FANCC: variants seen among roughly 807,000 people sequenced by gnomAD.
The protein encoded by FANCC is FA complementation group C.
FANCC carries 55 observed loss-of-function variants against 71.3 expected under a neutral mutation model. That is an observed-to-expected ratio of 0.77 (90% CI 0.62 to 0.97). The LOEUF (loss-of-function observed/expected upper bound fraction) is 0.97, where lower values mean the gene tolerates loss of function less well. Among genes scored for constraint, FANCC ranks in the 50% least tolerant of loss-of-function variants. FANCC has a pLI of 0.00. For synonymous variants in FANCC, 275 were observed against 244.9 expected, an observed-to-expected ratio of 1.12 and a Z score of -1.15; for missense variants, 678 against 670.9, an observed-to-expected ratio of 1.01 and a Z score of -0.12.
At position 95,107,074 on chromosome 9, in the gene FANCC, T is replaced by C; in HGVS notation, c.1525A>G (p.Ile509Val). ...PGGHTIAWDVITLMAHTAEIT... is the reference protein window; with the variant it reads ...PGGHTIAWDVVTLMAHTAEIT... The stretch of plus-strand genomic sequence containing the variant: ...ACCACAGGGAGACTTACCAGGGTGA[T>C]GACATCCCAGGCGATCGTGTGGCCT... Residue 509 changes from isoleucine (I) to valine (V), a missense_variant, in exon 14 of 15, where the codon ATC (isoleucine) becomes GTC (valine). By Grantham distance (29) the Ile-to-Val change is conservative. Transcript: ENST00000289081. 1 of 1,614,146 alleles carries C rather than the reference T, an allele frequency of 6.2e-7. No individual in the cohort carries two copies. Among genetic ancestry groups the C allele is most frequent in the African/African-American group, 1.3e-5 (1 of 75,052 alleles).
At chr9:95,184,112 C>T (rs1210978685) in intron 4 of FANCC, among the ~76,000 whole-genome samples, 1 of 151,794 alleles carries the variant, frequency 6.6e-6, no homozygotes, top group East Asian at 1.9e-4. Flanking sequence ...TTAGTTGCTT[C>T]TCCCCCCCTT....
chr9:95,118,108 T>C (rs1030263340), intron 10 of FANCC, among the ~76,000 whole-genome samples: 1 of 152,168 alleles, frequency 6.6e-6, no homozygotes, highest in Non-Finnish European at 1.5e-5. Context: ...AACCTCCACC[T>C]CCCGGGTCCA....
At chr9:95,159,144 T>C (rs938270605) in intron 6 of FANCC, among the ~76,000 whole-genome samples, 8 of 152,136 alleles carry the variant, frequency 5.3e-5, no homozygotes, top group African/African-American at 1.9e-4. Context: ...TACCTCATCA[T>C]TTACATTGGG....
intron 8 of FANCC, among the ~76,000 whole-genome samples, chr9:95,128,909 C>CT (rs756314206): frequency 0.011 from 1,578 of 144,712 alleles, 9 homozygotes; most frequent in African/African-American, 0.018. Context: ...AACCAGTCTC[C>CT]TTTTTTTTTT....
intron 1 of FANCC, among the ~76,000 whole-genome samples, chr9:95,252,473 G>A (rs1356297405): frequency 4.6e-5 from 7 of 151,756 alleles, no homozygotes; most frequent in Non-Finnish European, 7.4e-5. Context: ...GGGGCTGGGC[G>A]CCGTGGCTCA....
chr9:95,162,430 T>A (rs1490861162), intron 6 of FANCC, among the ~76,000 whole-genome samples: 1 of 152,220 alleles, frequency 6.6e-6, no homozygotes, highest in Non-Finnish European at 1.5e-5. Flanking sequence ...TGTGCAAATA[T>A]CTCTTAGAGA....
chr9:95,224,287 G>C (rs1829470323), intron 4 of FANCC, among the ~76,000 whole-genome samples: 1 of 152,110 alleles, frequency 6.6e-6, no homozygotes, highest in African/African-American at 2.4e-5. Context: ...CTTTAAGTGT[G>C]CTGGTGGCAA....
In FANCC at chr9:95,298,716, G is replaced by A. The variant is rs4647370; in HGVS notation, c.-79+18810C>T. On this transcript the variant is annotated intron_variant, in intron 1 of 14. Transcript: ENST00000289081. ...TTCTTAGCTGTCACTTCCAGGTTTA[G>A]TCTGCCATCTTCACAAAGACTACAG... Among the ~76,000 whole-genome samples the A allele has an allele frequency of 3.7e-4, 56 of 152,314 alleles. 1 individual carries two copies. In the East Asian group the frequency reaches 9.8e-3, roughly 27 times the overall value.
At chr9:95,292,691 A>G (rs1476108410) in intron 1 of FANCC, 6 of 1,327,900 alleles carry the variant, frequency 4.5e-6, no homozygotes, top group Non-Finnish European at 6.5e-6. Context: ...TCAATCCAAT[A>G]ATAAGAAAAG....
At position 95,236,100 on chromosome 9, in the gene FANCC, T is replaced by C. The variant is rs563172579; in HGVS notation, c.345+4549A>G. Reference sequence around the variant, plus strand: ...CTTAGTATTGCATTTCGAAAGAAAATACAGATAGAATACAACACCTTTTGA... The same window carrying C: ...CTTAGTATTGCATTTCGAAAGAAAACACAGATAGAATACAACACCTTTTGA... On this transcript the variant is annotated intron_variant, in intron 4 of 14. Transcript: ENST00000289081. Among the ~76,000 whole-genome samples, 10 of 152,254 alleles carry C rather than the reference T, an allele frequency of 6.6e-5. No homozygotes were observed. The East Asian group carries it at 1.9e-3, about 29-fold the overall frequency.
At chr9:95,302,081 C>CAA (rs375479917) in intron 1 of FANCC, among the ~76,000 whole-genome samples, 1,982 of 98,574 alleles carry the variant, frequency 0.02, 47 homozygotes, top group Middle Eastern at 0.081. Flanking sequence ...GACTCCATCT[C>CAA]AAAAAAAAAA....
intron 1 of FANCC, among the ~76,000 whole-genome samples, chr9:95,312,719 T>G (rs954495167): frequency 6.6e-6 from 1 of 152,188 alleles, no homozygotes; most frequent in African/African-American, 2.4e-5. Context: ...GTACAGAGAA[T>G]TCTACAAAAC....
Position 95,149,997 on chromosome 9 carries a change from G to A in FANCC, c.612C>T (p.Leu204=), listed in dbSNP as rs2135427378. ...CCTGAGGTTCACGTCCATGACAGATGAGGAGAGCCTCCACCAGGGGGTCAA... is the reference window on the plus strand; with the variant it reads ...CCTGAGGTTCACGTCCATGACAGATAAGGAGAGCCTCCACCAGGGGGTCAA... ...TDVDPLVEAL[L]ICHGREPQEI... Residue 204 remains leucine (L), a synonymous_variant, in exon 7 of 15, where the codon CTC becomes CTT. Coordinates refer to ENST00000289081, the MANE Select transcript of FANCC (RefSeq NM_000136.3). The A allele has an allele frequency of 6.2e-7, 1 of 1,613,956 alleles. No homozygotes were observed. Among genetic ancestry groups the A allele is most frequent in the Non-Finnish European group, 8.5e-7 (1 of 1,179,968 alleles).
At chr9:95,273,029 C>G (rs889936158) in intron 1 of FANCC, among the ~76,000 whole-genome samples, 21 of 152,126 alleles carry the variant, frequency 1.4e-4, no homozygotes, top group African/African-American at 4.3e-4. Context: ...ACCCACATCC[C>G]CTGGCACCTA....
intron 4 of FANCC, among the ~76,000 whole-genome samples, chr9:95,239,936 C>CA (rs1219226476): frequency 2.0e-5 from 3 of 152,224 alleles, no homozygotes; most frequent in Non-Finnish European, 4.4e-5. Context: ...AGGCATCAGC[C>CA]AGTCCTGGGG....
intron 9 of FANCC, among the ~76,000 whole-genome samples, chr9:95,125,726 G>C (rs748249321): frequency 2.0e-5 from 3 of 152,160 alleles, no homozygotes; most frequent in Non-Finnish European, 2.9e-5. Context: ...CTGACTACTG[G>C]TGAGTTATTG....
At chr9:95,171,555 C>T (rs1217144110) in intron 5 of FANCC, among the ~76,000 whole-genome samples, 1 of 151,616 alleles carries the variant, frequency 6.6e-6, no homozygotes, top group African/African-American at 2.4e-5. Context: ...AGAAGAGTTA[C>T]ATCAAGTTTG....
At chr9:95,282,167 T>G (rs2136271639) in intron 1 of FANCC, among the ~76,000 whole-genome samples, 1 of 152,028 alleles carries the variant, frequency 6.6e-6, no homozygotes, top group East Asian at 1.9e-4. Flanking sequence ...TACAAAAGAC[T>G]TGCCTCACCT....
At chr9:95,278,179 C>T (rs1259714372) in intron 1 of FANCC, among the ~76,000 whole-genome samples, 1 of 152,096 alleles carries the variant, frequency 6.6e-6, no homozygotes, top group Non-Finnish European at 1.5e-5. Context: ...ATAATTAAAA[C>T]ATTGTTGAAT....
Sources: gnomAD v4.1 joint callset for allele counts (sites outside exome capture counted in the v4.1 genomes callset) on GRCh38, gnomAD v4.1.1 for gene constraint, MANE v1.5 for transcripts, NCBI Gene and HGNC (gene_info 2026-07-23, HGNC 2026-07-21) for gene names.